Variants in ADARB2 observed in about 807,000 individuals in gnomAD.
ADARB2 encodes the protein inactive double-stranded RNA-specific editase B2.
In ADARB2, 25 loss-of-function variants were observed where a neutral mutation model predicts 62.2. The observed-to-expected ratio is 0.40, with a 90% CI of 0.29 to 0.56. ADARB2 has a LOEUF of 0.56. ADARB2 is among the 20% of genes least tolerant of loss of function. The pLI is 0.43. For missense variants in ADARB2, 1,071 were observed against 1,077.4 expected, an observed-to-expected ratio of 0.99 and a Z score of 0.08; for synonymous variants, 572 against 500.8, an observed-to-expected ratio of 1.14 and a Z score of -1.90.
At chr10:1,707,766 G>A (rs1564200752) in intron 1 of ADARB2, among the ~76,000 whole-genome samples, 1 of 152,190 alleles carries the variant, frequency 6.6e-6, no homozygotes, top group Non-Finnish European at 1.5e-5. Context: ...TGGCTCAGAA[G>A]ACTGTGAAGA....
chr10:1,494,741 A>G lies in ADARB2; in HGVS notation c.101-115581T>C, dbSNP rs1831666219. On this transcript the variant is annotated intron_variant, in intron 1 of 9. Transcript: ENST00000381312. Reference sequence around the variant, plus strand: ...CTTACTCTCTGACTCCGAAATACAAAATTCAGGTGGAGCCAAGGGGTGAGT... The same window carrying G: ...CTTACTCTCTGACTCCGAAATACAAGATTCAGGTGGAGCCAAGGGGTGAGT... 1.3e-5 allele frequency among the ~76,000 whole-genome samples: 2 copies of G among 152,178 alleles called. 1 individual carries two copies. The highest frequency in any genetic ancestry group is 4.1e-4 in the South Asian group (2 of 4,824).
intron 1 of ADARB2, among the ~76,000 whole-genome samples, chr10:1,406,611 T>A (rs1382386584): frequency 1.3e-5 from 2 of 152,222 alleles, no homozygotes; most frequent in Non-Finnish European, 2.9e-5. Context: ...ACAATTTAAT[T>A]TTGGGCTGTG....
At chr10:1,544,452 G>C (rs367917600) in intron 1 of ADARB2, among the ~76,000 whole-genome samples, 17 of 152,204 alleles carry the variant, frequency 1.1e-4, no homozygotes, top group African/African-American at 4.1e-4. Flanking sequence ...TTTCACACGG[G>C]ACGTGGACTA....
At chr10:1,349,076 C>T (rs1832109578) in intron 3 of ADARB2, among the ~76,000 whole-genome samples, 1 of 152,152 alleles carries the variant, frequency 6.6e-6, no homozygotes, top group Non-Finnish European at 1.5e-5. Flanking sequence ...GGTACACATC[C>T]AGATGGCCAG....
At chr10:1,618,401 A>G (rs1349182677) in intron 1 of ADARB2, among the ~76,000 whole-genome samples, 2 of 152,250 alleles carry the variant, frequency 1.3e-5, no homozygotes, top group African/African-American at 2.4e-5. Flanking sequence ...AAGATGAATG[A>G]GAAGATTCTA....
chr10:1,650,000 A>G lies in ADARB2; in HGVS notation c.100+87051T>C, dbSNP rs970857156. The stretch of plus-strand genomic sequence containing the variant: ...TCTGTCACTGGCTGGGCTGCGTATC[A>G]TACCTTTTCATAACTACAAACCCTC... On this transcript the variant is annotated intron_variant, in intron 1 of 9. Coordinates refer to ENST00000381312, the MANE Select transcript of ADARB2 (RefSeq NM_018702.4). Among the ~76,000 whole-genome samples, 3 of 152,206 alleles carry G rather than the reference A, an allele frequency of 2.0e-5. No homozygotes were observed. The East Asian group carries it at 5.8e-4, about 29-fold the overall frequency.
intron 1 of ADARB2, among the ~76,000 whole-genome samples, chr10:1,429,639 G>A (rs1830758973): frequency 6.6e-6 from 1 of 152,118 alleles, no homozygotes; most frequent in Non-Finnish European, 1.5e-5. Flanking sequence ...GCATCATTCA[G>A]CTTCTATATT....
chr10:1,205,168 C>G (rs893604154), intron 7 of ADARB2, among the ~76,000 whole-genome samples: 2 of 152,220 alleles, frequency 1.3e-5, no homozygotes, highest in Non-Finnish European at 2.9e-5. Flanking sequence ...GGGGTCCCTG[C>G]TGCCCGGGGG....
chr10:1,619,289 T>TAA (rs59098282), intron 1 of ADARB2, among the ~76,000 whole-genome samples: 10 of 115,788 alleles, frequency 8.6e-5, no homozygotes, highest in Admixed American at 1.8e-4. Context: ...ACATTGAAAG[T>TAA]AAAAAAAAAA....
chr10:1,521,097 A>T (rs1234817785), intron 1 of ADARB2, among the ~76,000 whole-genome samples: 2 of 152,136 alleles, frequency 1.3e-5, no homozygotes, highest in Non-Finnish European at 2.9e-5. Flanking sequence ...TAATACTCCC[A>T]TGTGCTCAGC....
chr10:1,716,491 T>G (rs1267165689), intron 1 of ADARB2, among the ~76,000 whole-genome samples: 1 of 152,262 alleles, frequency 6.6e-6, no homozygotes, highest in African/African-American at 2.4e-5. Context: ...CTAATTTTAT[T>G]GCATTGATTG....
intron 1 of ADARB2, among the ~76,000 whole-genome samples, chr10:1,574,991 A>T (rs1832990601): frequency 6.6e-6 from 1 of 152,278 alleles, no homozygotes; most frequent in Admixed American, 6.5e-5. Flanking sequence ...AGAAGTCAAA[A>T]GAGAAACCAT....
At chr10:1,702,416 G>A (rs1225324762) in intron 1 of ADARB2, among the ~76,000 whole-genome samples, 1 of 152,196 alleles carries the variant, frequency 6.6e-6, no homozygotes, top group African/African-American at 2.4e-5. Context: ...GGAAGAGGGT[G>A]AGGGTCTGGG....
intron 1 of ADARB2, among the ~76,000 whole-genome samples, chr10:1,446,904 C>A (rs1234797421): frequency 6.6e-6 from 1 of 152,098 alleles, no homozygotes; most frequent in Non-Finnish European, 1.5e-5. Context: ...AGGGTTTCGA[C>A]CTACGCAATT....
intron 1 of ADARB2, among the ~76,000 whole-genome samples, chr10:1,388,382 G>A (rs184230188): frequency 3.7e-4 from 56 of 152,236 alleles, no homozygotes; most frequent in Non-Finnish European, 2.5e-4. Flanking sequence ...CTTAGTTAGT[G>A]TCATAAGGCC....
In ADARB2 at chr10:1,485,835, T is replaced by C. The variant is rs529825602; in HGVS notation, c.101-106675A>G. Among the ~76,000 whole-genome samples, 4 of 152,340 alleles carry C rather than the reference T, an allele frequency of 2.6e-5. No individual in the cohort carries two copies. In the South Asian group the frequency reaches 8.3e-4, roughly 32 times the overall value. On this transcript the variant is annotated intron_variant, in intron 1 of 9. Coordinates refer to ENST00000381312, the MANE Select transcript of ADARB2 (RefSeq NM_018702.4). ...AACCAGAAACGATTCTAATTCAGACTTGCAATGTGATTGTAATGGACAAAA... is the reference window on the plus strand; with the variant it reads ...AACCAGAAACGATTCTAATTCAGACCTGCAATGTGATTGTAATGGACAAAA...
intron 1 of ADARB2, among the ~76,000 whole-genome samples, chr10:1,559,223 C>G (rs990484155): frequency 1.3e-5 from 2 of 152,218 alleles, no homozygotes; most frequent in Admixed American, 6.5e-5. Flanking sequence ...TGGAAATACA[C>G]ATTGCTGTGG....
In ADARB2 at chr10:1,375,819, ACACACACACGTG is replaced by A. The variant is rs1052796320; in HGVS notation, c.187+3243_187+3254del. Among the ~76,000 whole-genome samples the A allele has an allele frequency of 5.5e-4, 7 of 12,720 alleles. 1 individual carries two copies. The Non-Finnish European group carries it at 0.017, about 31-fold the overall frequency. The allele number at this position is 12,720 out of a possible 152,430, so 8.3% of individuals were successfully genotyped here. ...ACGCACACACACACCACACACATGC[ACACACACACGTG>A]CACACACCGCACACATGCACACACA... On this transcript the variant is annotated intron_variant, in intron 2 of 9. Coordinates refer to ENST00000381312, the MANE Select transcript of ADARB2 (RefSeq NM_018702.4).
At chr10:1,668,671 C>CGT (rs1191358100) in intron 1 of ADARB2, among the ~76,000 whole-genome samples, 4 of 152,176 alleles carry the variant, frequency 2.6e-5, no homozygotes, top group African/African-American at 9.7e-5. Flanking sequence ...CAAGAGGCCC[C>CGT]GTGTGCACTG....
Sources: allele counts gnomAD v4.1 joint callset (sites outside exome capture counted in the v4.1 genomes callset), GRCh38; gene constraint gnomAD v4.1.1; transcripts MANE v1.5; gene names NCBI Gene and HGNC (gene_info 2026-07-23, HGNC 2026-07-21).